Variants in NAALADL2 observed in about 807,000 individuals in gnomAD.
The protein encoded by NAALADL2 is N-acetylated alpha-linked acidic dipeptidase like 2.
NAALADL2 carries 76 observed loss-of-function variants against 87.2 expected under a neutral mutation model. That is an observed-to-expected ratio of 0.87 (90% CI 0.72 to 1.05). The LOEUF (loss-of-function observed/expected upper bound fraction) is 1.05. Among genes scored for constraint, NAALADL2 ranks in the 50% least tolerant of loss-of-function variants. The probability of loss-of-function intolerance (pLI) is 0.00; values close to 1 mark genes in which losing one functional copy is unlikely to be tolerated. For synonymous variants in NAALADL2, 354 were observed against 331.0 expected (o/e 1.07, Z -0.75); for missense variants, 1,089 against 945.8 (o/e 1.15, Z -1.99).
chr3:174,960,103 G>T (rs1385004334), intron 1 of NAALADL2, among the ~76,000 whole-genome samples: 1 of 152,092 alleles, frequency 6.6e-6, no homozygotes, highest in South Asian at 2.1e-4. Context: ...TTTTAACAAG[G>T]TCTATTAGAA....
intron 11 of NAALADL2, among the ~76,000 whole-genome samples, chr3:175,651,399 T>C (rs1730744765): frequency 6.6e-6 from 1 of 152,158 alleles, no homozygotes; most frequent in Non-Finnish European, 1.5e-5. Context: ...ATTTAATGAT[T>C]AAATGATACA....
chr3:174,817,322 C>T (rs1267343574), intron 3 of NAALADL2, among the ~76,000 whole-genome samples: 1 of 152,214 alleles, frequency 6.6e-6, no homozygotes, highest in Non-Finnish European at 1.5e-5. Context: ...GCTCTTTAGG[C>T]TGGGCACAGT....
intron 2 of NAALADL2, among the ~76,000 whole-genome samples, chr3:174,551,897 T>G (rs902922317): frequency 2.0e-5 from 3 of 152,224 alleles, no homozygotes; most frequent in African/African-American, 7.2e-5. Flanking sequence ...AACATTGGCT[T>G]TGGTATCCAC....
At position 174,543,181 on chromosome 3, in the gene NAALADL2, C is replaced by A. The variant is rs936981057; in HGVS notation, c.-183-7388C>A. On this transcript the variant is annotated intron_variant, in intron 1 of 3. Coordinates refer to the NAALADL2 transcript ENST00000434257. ...TTTAAACCTAGGCGATGGACTGTTGCAAGTTCTTGAGCTGGAAGTGCCATT... is the reference window on the plus strand; with the variant it reads ...TTTAAACCTAGGCGATGGACTGTTGAAAGTTCTTGAGCTGGAAGTGCCATT... Among the ~76,000 whole-genome samples the A allele has an allele frequency of 7.9e-5, 12 of 152,230 alleles. No homozygotes were observed. In the South Asian group the frequency reaches 1.9e-3, roughly 24 times the overall value.
At chr3:175,369,118 G>T (rs1329558680) in intron 5 of NAALADL2, among the ~76,000 whole-genome samples, 2 of 152,116 alleles carry the variant, frequency 1.3e-5, no homozygotes, top group African/African-American at 4.8e-5. Context: ...TGAGAACAAT[G>T]CCACTAGAGT....
intron 2 of NAALADL2, among the ~76,000 whole-genome samples, chr3:174,683,573 G>A (rs1018248922): frequency 3.7e-4 from 56 of 151,876 alleles, no homozygotes; most frequent in African/African-American, 1.2e-3. Flanking sequence ...TAGATAGATA[G>A]ATAATATAGA....
chr3:175,006,516 C>T (rs559621537), intron 1 of NAALADL2, among the ~76,000 whole-genome samples: 3 of 152,158 alleles, frequency 2.0e-5, no homozygotes, highest in Admixed American at 6.5e-5. Flanking sequence ...ACTCCAGAAC[C>T]TTTTCAAGCT....
intron 9 of NAALADL2, among the ~76,000 whole-genome samples, chr3:175,512,173 G>A (rs541344597): frequency 2.0e-5 from 3 of 152,272 alleles, no homozygotes; most frequent in African/African-American, 7.2e-5. Context: ...GAGCCCTGGA[G>A]GTCAAGGTTT....
chr3:174,857,675 A>G (rs900630912), upstream of NAALADL2, among the ~76,000 whole-genome samples: 1 of 151,826 alleles, frequency 6.6e-6, no homozygotes, highest in Non-Finnish European at 1.5e-5. Context: ...CATGGTGTGT[A>G]TATATATATA....
chr3:175,154,887 C>G (rs1732070847), intron 2 of NAALADL2, among the ~76,000 whole-genome samples: 1 of 152,050 alleles, frequency 6.6e-6, no homozygotes, highest in Non-Finnish European at 1.5e-5. Context: ...TGTCTTTACT[C>G]CATACCCCTG....
intron 9 of NAALADL2, among the ~76,000 whole-genome samples, chr3:175,550,618 G>A (rs966052375): frequency 6.6e-6 from 1 of 152,138 alleles, no homozygotes; most frequent in Non-Finnish European, 1.5e-5. Context: ...TGTGACACTT[G>A]AGGAAGGTCT....
intron 11 of NAALADL2, among the ~76,000 whole-genome samples, chr3:175,657,300 G>A (rs1731603950): frequency 6.6e-6 from 1 of 151,940 alleles, no homozygotes. Context: ...CTAATTCAAA[G>A]GTTTAATCAC....
intron 5 of NAALADL2, among the ~76,000 whole-genome samples, chr3:175,444,948 G>A (rs539496363): frequency 3.7e-4 from 56 of 152,240 alleles, no homozygotes; most frequent in African/African-American, 1.1e-3. Flanking sequence ...GGAAACACTC[G>A]TGTAACATAT....
chr3:175,773,831 G>A (rs74438355), intron 13 of NAALADL2, among the ~76,000 whole-genome samples: 1,924 of 152,178 alleles, frequency 0.013, 17 homozygotes, highest in Non-Finnish European at 0.021. Context: ...AAAGCAATGA[G>A]TTGACATAAG....
chr3:175,612,156 T>C (rs1724733182), intron 10 of NAALADL2, among the ~76,000 whole-genome samples: 1 of 152,198 alleles, frequency 6.6e-6, no homozygotes, highest in African/African-American at 2.4e-5. Flanking sequence ...TCCAGCGACA[T>C]CTGACTGTAT....
At chr3:175,410,583 G>A (rs1432908863) in intron 5 of NAALADL2, among the ~76,000 whole-genome samples, 1 of 140,980 alleles carries the variant, frequency 7.1e-6, no homozygotes, top group African/African-American at 2.7e-5. Flanking sequence ...TGCTCTTACA[G>A]AGCTTCTAGT....
At chr3:174,767,575 A>G (rs1164763096) in intron 3 of NAALADL2, among the ~76,000 whole-genome samples, 1 of 152,094 alleles carries the variant, frequency 6.6e-6, no homozygotes, top group Non-Finnish European at 1.5e-5. Flanking sequence ...GCTCACAGGA[A>G]GCTATTCACT....
chr3:175,743,127 A>G (rs1000672223), intron 12 of NAALADL2, among the ~76,000 whole-genome samples: 35 of 152,158 alleles, frequency 2.3e-4, no homozygotes, highest in African/African-American at 8.2e-4. Flanking sequence ...CAGCCTCCCA[A>G]GTAGATGGGA....
intron 1 of NAALADL2, among the ~76,000 whole-genome samples, chr3:175,024,596 A>G (rs1232506192): frequency 2.6e-5 from 4 of 152,284 alleles, no homozygotes; most frequent in South Asian, 2.1e-4. Flanking sequence ...AATGTTCACT[A>G]TTCTTAGAAT....
Sources: allele counts gnomAD v4.1 joint callset (sites outside exome capture counted in the v4.1 genomes callset), GRCh38; gene constraint gnomAD v4.1.1; transcripts MANE v1.5; gene names NCBI Gene and HGNC (gene_info 2026-07-23, HGNC 2026-07-21).